The following PKHD1L1 variants were observed in gnomAD, a reference collection of about 807,000 sequenced individuals.
PKHD1L1 encodes PKHD1 like 1.
PKHD1L1 carries 434 observed loss-of-function variants against 462.9 expected under a neutral mutation model. That is an observed-to-expected ratio of 0.94 (90% CI 0.87 to 1.02). PKHD1L1 has a LOEUF of 1.02. Ranked by LOEUF, PKHD1L1 falls within the 50% of genes least tolerant of loss-of-function variation. The pLI is 0.00. For missense variants in PKHD1L1, 5,202 were observed against 5,096.1 expected (o/e 1.02, Z -0.63); for synonymous variants, 1,781 against 1,750.0 (o/e 1.02, Z -0.44).
chr8:109,401,481 G>A lies in PKHD1L1; in HGVS notation c.1282-16G>A. 7.2e-7 allele frequency: 1 copy of A among 1,395,290 alleles called. No homozygotes were observed. The allele number at this position is 1,395,290 out of a possible 1,614,324, so 86.4% of individuals were successfully genotyped here. A position where few individuals can be genotyped will look rare whatever the true frequency, so the allele number is the denominator to read the frequency against. ...TAAATTCTCCCTTTTCTCTGTCTCT[G>A]TCTCTCTCGGATTAGGTGAGGATTG... On this transcript the variant is annotated splice_polypyrimidine_tract_variant and intron_variant, in intron 13 of 77. Transcript: ENST00000378402.
chr8:109,483,078 G>A lies in PKHD1L1; in HGVS notation c.9549G>A (p.Leu3183=). The change falls in exon 57 of 78, where the codon CTG becomes CTA. Residue 3183 remains leucine (L), a synonymous_variant. Transcript: ENST00000378402. ...SETAFAGSKV[L]SLMDAVDWQE... ...CTGCATTTGCAGGTTCCAAAGTCCTGTCTCTGATGGATGCTGTGGATTGGC... is the reference window on the plus strand; with the variant it reads ...CTGCATTTGCAGGTTCCAAAGTCCTATCTCTGATGGATGCTGTGGATTGGC... 1.9e-6 allele frequency: 3 copies of A among 1,598,346 alleles called. No homozygotes were observed. The highest frequency in any genetic ancestry group is 1.7e-4 in the Middle Eastern group (1 of 6,016).
intron 27 of PKHD1L1, among the ~76,000 whole-genome samples, chr8:109,432,787 A>T (rs188492476): frequency 6.6e-6 from 1 of 152,284 alleles, no homozygotes. Flanking sequence ...CCATATAGAG[A>T]TGTCTACTTA....
chr8:109,529,217 C>T (rs1820961101), intron 77 of PKHD1L1, among the ~76,000 whole-genome samples: 1 of 152,116 alleles, frequency 6.6e-6, no homozygotes, highest in South Asian at 2.1e-4. Context: ...AGAAGGAAAT[C>T]CTTTCTTCTC....
intron 71 of PKHD1L1, among the ~76,000 whole-genome samples, chr8:109,513,606 T>C (rs1820115357): frequency 6.6e-6 from 1 of 151,988 alleles, no homozygotes; most frequent in South Asian, 2.1e-4. Flanking sequence ...TCCCAGGGTG[T>C]TTAATGTGAA....
chr8:109,410,632 T>A (rs1371741831), intron 19 of PKHD1L1, among the ~76,000 whole-genome samples: 1 of 151,930 alleles, frequency 6.6e-6, no homozygotes, highest in East Asian at 1.9e-4. Flanking sequence ...CCTCACACTT[T>A]GGGGATTACA....
chr8:109,407,976 T>A lies in PKHD1L1; in HGVS notation c.1814-73T>A. On this transcript the variant is annotated intron_variant, in intron 17 of 77. Transcript: ENST00000378402. ...CATTTGAGTGTCTATTAAATATATA[T>A]AAAATATATAGTTTTATATATAGGC... The A allele has an allele frequency of 3.0e-6, 3 of 1,002,698 alleles. 1 individual carries two copies. The highest frequency in any genetic ancestry group is 3.9e-6 in the Non-Finnish European group (3 of 777,222). The allele number at this position is 1,002,698 out of a possible 1,614,324, so 62.1% of individuals were successfully genotyped here.
chr8:109,462,516 G>A (rs960742268), intron 48 of PKHD1L1, among the ~76,000 whole-genome samples: 20 of 151,874 alleles, frequency 1.3e-4, no homozygotes, highest in Admixed American at 1.3e-3. Flanking sequence ...CCTATCTCAG[G>A]TCCTTTGTAC....
intron 68 of PKHD1L1, among the ~76,000 whole-genome samples, 171 bp from the exon 69 acceptor site, chr8:109,507,492 G>A (rs914662865): frequency 6.6e-6 from 1 of 152,118 alleles, no homozygotes; most frequent in Non-Finnish European, 1.5e-5. Context: ...CAATGGAAAA[G>A]CAGACCTCAT....
At chr8:109,468,800 T>G (rs1262428580) in intron 50 of PKHD1L1, among the ~76,000 whole-genome samples, 3 of 152,182 alleles carry the variant, frequency 2.0e-5, no homozygotes, top group Non-Finnish European at 2.9e-5. Context: ...GGTCTGGTTA[T>G]TTTTCTTTCC....
chr8:109,434,446 T>C (rs1815284486), intron 28 of PKHD1L1, among the ~76,000 whole-genome samples: 1 of 152,034 alleles, frequency 6.6e-6, no homozygotes, highest in Non-Finnish European at 1.5e-5. Context: ...GTTTTGTTTT[T>C]TGTTTTTGTT....
At position 109,486,705 on chromosome 8, in the gene PKHD1L1, G is replaced by A. The variant is rs1192809433; in HGVS notation, c.9764G>A (p.Gly3255Glu). Residue 3255 changes from glycine to glutamate, a missense_variant, in exon 59 of 78, where the codon GGG (glycine) becomes GAG (glutamate). By Grantham distance (98) the Gly-to-Glu change is moderately conservative. This residue lies in a region of PKHD1L1 where 4,497 missense variants were observed against 4,336.8 expected (regional missense o/e 1.04). Coordinates refer to ENST00000378402, the MANE Select transcript of PKHD1L1 (RefSeq NM_177531.6). ...AGCTACACGTTAGCAGCTGATGTTG[G>A]GATACTGAGTAGGAACATCAAAATA... Reference protein sequence around the residue: ...GESYTLAADVGILSRNIKIVG... With the variant: ...GESYTLAADVEILSRNIKIVG... 6.2e-7 allele frequency: 1 copy of A among 1,612,352 alleles called. No individual in the cohort carries two copies. The highest frequency in any genetic ancestry group is 1.1e-5 in the South Asian group (1 of 91,024).
chr8:109,525,010 A>T (rs1400664683), intron 76 of PKHD1L1, among the ~76,000 whole-genome samples: 1 of 152,176 alleles, frequency 6.6e-6, no homozygotes, highest in Non-Finnish European at 1.5e-5. Flanking sequence ...TTTTAAATCA[A>T]TTAGCCAGTT....
chr8:109,408,088 A>G lies in PKHD1L1; in HGVS notation c.1853A>G (p.Asn618Ser), dbSNP rs755972527. ...DLLGYEVVEG[N>S]NVTLDITEQT... ...CTTGGTTATGAAGTAGTTGAAGGGA[A>G]TAATGTCACACTGGATATTACAGAA... The change falls in exon 18 of 78, where the codon AAT becomes AGT. Residue 618 changes from asparagine (N) to serine (S), a missense_variant. Around this residue, in one of 3 missense-constraint regions of PKHD1L1, gnomAD observed 4,497 missense variants for 4,336.8 expected, o/e 1.04. Transcript: ENST00000378402. 1 of 1,612,640 alleles carries G rather than the reference A, an allele frequency of 6.2e-7. No individual in the cohort carries two copies. The highest frequency in any genetic ancestry group is 8.5e-7 in the Non-Finnish European group (1 of 1,179,088).
In PKHD1L1 at chr8:109,464,793, G is replaced by A; in HGVS notation, c.7961G>A (p.Trp2654Ter). ...APAIFNSLTTWNCQKGAEWVN... is the reference protein window; with the variant it reads ...APAIFNSLTT The stretch of plus-strand genomic sequence containing the variant: ...GCAATATTTAACTCACTTACTACTT[G>A]GAATTGTCAAAAAGGAGCTGAATGG... The change falls in exon 49 of 78, where the codon TGG (tryptophan) becomes TAG (stop). Residue 2654 changes from tryptophan to a stop codon, truncating the protein, a stop_gained. Coordinates refer to ENST00000378402, the MANE Select transcript of PKHD1L1 (RefSeq NM_177531.6). LOFTEE classifies it high-confidence loss of function. 1 of 1,613,704 alleles carries A rather than the reference G, an allele frequency of 6.2e-7. No homozygotes were observed. Among genetic ancestry groups the A allele is most frequent in the Non-Finnish European group, 8.5e-7 (1 of 1,179,786 alleles).
Position 109,412,264 on chromosome 8 carries a change from G to A in PKHD1L1, c.2086-1G>A. ...CATTTGAAATATTATTGTTTCGGTA[G>A]GAACATATTAACAGAGGGCAGAAGA... On this transcript the variant is annotated splice_acceptor_variant, in intron 19 of 77. Coordinates refer to ENST00000378402, the MANE Select transcript of PKHD1L1 (RefSeq NM_177531.6). LOFTEE classifies it high-confidence loss of function. The A allele has an allele frequency of 1.2e-6, 2 of 1,612,100 alleles. No homozygotes were observed. Among genetic ancestry groups the A allele is most frequent in the Non-Finnish European group, 1.7e-6 (2 of 1,179,198 alleles).
At chr8:109,523,967 C>T (rs182644716) in intron 76 of PKHD1L1, among the ~76,000 whole-genome samples, 35 of 152,246 alleles carry the variant, frequency 2.3e-4, no homozygotes, top group African/African-American at 7.2e-4. Flanking sequence ...TCTTCAACAT[C>T]GGTGCAGTAA....
Position 109,526,817 on chromosome 8 carries a change from ATGT to A in PKHD1L1, c.12524_12526del (p.Val4175del). 1 of 1,562,684 alleles carries A rather than the reference ATGT, an allele frequency of 6.4e-7. No individual in the cohort carries two copies. On this transcript the variant is annotated inframe_deletion, in exon 77 of 78. Coordinates refer to ENST00000378402, the MANE Select transcript of PKHD1L1 (RefSeq NM_177531.6). ...TATAAGATTGAATTTATACTGGATA[ATGT>A]TGTTGGGGTAGAATCCAGAACTTTC...
chr8:109,515,247 A>T lies in PKHD1L1; in HGVS notation c.11631A>T (p.Lys3877Asn). 1 of 1,604,098 alleles carries T rather than the reference A, an allele frequency of 6.2e-7. No homozygotes were observed. Among genetic ancestry groups the T allele is most frequent in the South Asian group, 1.1e-5 (1 of 89,868 alleles). ...VYVNNLLVCP[K>N]TTIWNAQQKH... ...TGAACAACTTATTGGTCTGTCCAAAAACTACAATATGGAATGCCCAGCAGA... is the reference window on the plus strand; with the variant it reads ...TGAACAACTTATTGGTCTGTCCAAATACTACAATATGGAATGCCCAGCAGA... The change falls in exon 72 of 78, where the codon AAA becomes AAT. Residue 3877 changes from lysine (K) to asparagine (N), a missense_variant. Lys to Asn is a moderately conservative substitution (Grantham distance 94). Coordinates refer to ENST00000378402, the MANE Select transcript of PKHD1L1 (RefSeq NM_177531.6).
At chr8:109,435,472 GAA>G in intron 29 of PKHD1L1, 118 bp downstream of exon 29, 1 of 1,119,816 alleles carries the variant, frequency 8.9e-7, no homozygotes, top group Non-Finnish European at 1.2e-6. Context: ...TAGAACAAAG[GAA>G]AGTCTCCTTC....
Sources: allele counts gnomAD v4.1 joint callset (sites outside exome capture counted in the v4.1 genomes callset), GRCh38; gene constraint gnomAD v4.1.1; regional missense constraint gnomAD v4.1.1; transcripts MANE v1.5; gene names NCBI Gene and HGNC (gene_info 2026-07-23, HGNC 2026-07-21).